CLDN6: variants seen among roughly 807,000 people sequenced by gnomAD.
CLDN6 encodes claudin-6.
For synonymous variants in CLDN6, 144 were observed against 131.2 expected, an observed-to-expected ratio of 1.10 and a Z score of -0.67; for missense variants, 279 against 284.1, an observed-to-expected ratio of 0.98 and a Z score of 0.13.
chr16:3,017,758 C>A (rs1209201952), intron 1 of CLDN6, among the ~76,000 whole-genome samples: 1 of 151,936 alleles, frequency 6.6e-6, no homozygotes, highest in Non-Finnish European at 1.5e-5. Flanking sequence ...AGACTCTGTC[C>A]GAGGGCGCCC....
chr16:3,016,700 T>C (rs2072569650), intron 1 of CLDN6, among the ~76,000 whole-genome samples: 1 of 146,236 alleles, frequency 6.8e-6, no homozygotes, highest in Admixed American at 7.1e-5. Flanking sequence ...CAGCCTGGAG[T>C]GCAGTGGCGG....
intron 1 of CLDN6, 35 bp from the exon 2 acceptor site, chr16:3,016,077 C>T: frequency 6.4e-7 from 1 of 1,561,884 alleles, no homozygotes. Context: ...AAGGTGAGGC[C>T]TGGCAGGCCC....
chr16:3,017,483 G>C (rs1052172107), intron 1 of CLDN6, among the ~76,000 whole-genome samples: 1 of 152,122 alleles, frequency 6.6e-6, no homozygotes, highest in African/African-American at 2.4e-5. Flanking sequence ...CCACTGCCCA[G>C]AGTACTTTCA....
rs760913541 is a variant in CLDN6 at position 3,015,609 on chromosome 16, C to T, written c.413G>A (p.Trp138Ter). ...SGVLTLIPVC[W>*]TAHAIIRDFY... ...GTCCCGGATGATGGCATGCGCCGTC[C>T]AGCACACGGGGATTAGCGTCAGGAC... Residue 138 changes from tryptophan to a stop codon, truncating the protein, a stop_gained, in exon 2 of 2, where the codon TGG (tryptophan) becomes TAG (stop). Coordinates refer to ENST00000328796, the MANE Select transcript of CLDN6 (RefSeq NM_021195.5). LOFTEE classifies it low-confidence loss of function (END_TRUNC). 11 of 1,613,148 alleles carry T rather than the reference C, an allele frequency of 6.8e-6. No individual in the cohort carries two copies. The highest frequency in any genetic ancestry group is 9.3e-6 in the Non-Finnish European group (11 of 1,180,056).
rs113281551 is a variant in CLDN6, at chr16:3,016,025, G to T, written c.-4C>A. The T allele has an allele frequency of 6.2e-7, 1 of 1,611,530 alleles. No homozygotes were observed. The highest frequency in any genetic ancestry group is 1.1e-5 in the South Asian group (1 of 90,758). The stretch of plus-strand genomic sequence containing the variant: ...TCTGCATTCCGGCAGAGGCCATGGC[G>T]AGGTTGAAGGAGCTGCACTGTGTTT... On this transcript the variant is annotated 5_prime_UTR_variant, in exon 2 of 2. Transcript: ENST00000328796.
chr16:3,017,912 C>T (rs2072578194), intron 1 of CLDN6, among the ~76,000 whole-genome samples: 1 of 148,996 alleles, frequency 6.7e-6, no homozygotes. Flanking sequence ...GGGGGAGGGG[C>T]GCCAGGGGTT....
rs866621177 is a variant in CLDN6 at position 3,015,460 on chromosome 16, C to G, written c.562G>C (p.Gly188Arg). The change falls in exon 2 of 2, where the codon GGG becomes CGG. Residue 188 changes from glycine (G) to arginine (R), a missense_variant. Gly to Arg is a moderately radical substitution (Grantham distance 125). Transcript: ENST00000328796. The part of the protein sequence containing the change: ...GGLLCCTCPS[G>R]GSQGPSHYMA... ...TAATGGCTGGGGCCCTGGGACCCCC[C>G]CGAGGGGCAAGTGCAGCACAGCAAC... The G allele has an allele frequency of 6.3e-7, 1 of 1,587,090 alleles. No homozygotes were observed.
chr16:3,015,683 G>T lies in CLDN6; in HGVS notation c.339C>A (p.Ser113=). The change falls in exon 2 of 2, where the codon TCC becomes TCA. Residue 113 remains serine, a synonymous_variant. Transcript: ENST00000328796. Reference sequence around the variant, plus strand: ...CAGAGGTGAGCACCAGGCGGGCCTTGGAATCCTTCTCCTCCACACAGGTGG... The same window carrying T: ...CAGAGGTGAGCACCAGGCGGGCCTTTGAATCCTTCTCCTCCACACAGGTGG... ...KCTTCVEEKD[S]KARLVLTSGI... 3 of 1,613,668 alleles carry T rather than the reference G, an allele frequency of 1.9e-6. No homozygotes were observed. Among genetic ancestry groups the T allele is most frequent in the Non-Finnish European group, 2.5e-6 (3 of 1,180,040 alleles).
At chr16:3,016,135 A>G in intron 1 of CLDN6, 93 bp from the exon 2 acceptor site, 2 of 1,201,552 alleles carry the variant, frequency 1.7e-6, no homozygotes, top group Non-Finnish European at 2.3e-6. Flanking sequence ...TGCACCCTGG[A>G]AAGTGGTCAT....
chr16:3,016,006 T>A lies in CLDN6; in HGVS notation c.16A>T (p.Met6Leu). 1 of 1,613,652 alleles carries A rather than the reference T, an allele frequency of 6.2e-7. No individual in the cohort carries two copies. Among genetic ancestry groups the A allele is most frequent in the South Asian group, 1.1e-5 (1 of 91,074 alleles). ...GTCAGGACGACTCCCAGGATCTGCA[T>A]TCCGGCAGAGGCCATGGCGAGGTTG... MASAG[M>L]QILGVVLTLL... Residue 6 changes from methionine (M) to leucine (L), a missense_variant, in exon 2 of 2, where the codon ATG becomes TTG. Met to Leu is a conservative substitution (Grantham distance 15). Transcript: ENST00000328796.
intron 1 of CLDN6, among the ~76,000 whole-genome samples, chr16:3,016,739 C>G (rs992905136): frequency 6.6e-6 from 1 of 151,880 alleles, no homozygotes; most frequent in African/African-American, 2.4e-5. Context: ...GTTCTGCCTC[C>G]CCGGTTCACG....
chr16:3,017,330 T>C (rs376997879), intron 1 of CLDN6, among the ~76,000 whole-genome samples: 1 of 152,312 alleles, frequency 6.6e-6, no homozygotes, highest in South Asian at 2.1e-4. Context: ...TGAGGGCCTT[T>C]TCCTATGAAT....
At chr16:3,016,941 C>T (rs1277778267) in intron 1 of CLDN6, among the ~76,000 whole-genome samples, 1 of 152,164 alleles carries the variant, frequency 6.6e-6, no homozygotes, top group Non-Finnish European at 1.5e-5. Flanking sequence ...AGCCACCACA[C>T]CTGGTCTTAA....
Position 3,016,012 on chromosome 16 carries a change from C to G in CLDN6, c.10G>C (p.Ala4Pro). ...ACGACTCCCAGGATCTGCATTCCGG[C>G]AGAGGCCATGGCGAGGTTGAAGGAG... MAS[A>P]GMQILGVVLT... Residue 4 changes from alanine to proline, a missense_variant, in exon 2 of 2, where the codon GCC becomes CCC. Physicochemically the swap from Ala to Pro is conservative, Grantham distance 27 (BLOSUM62 -1). Transcript: ENST00000328796. 6 of 1,613,352 alleles carry G rather than the reference C, an allele frequency of 3.7e-6. No individual in the cohort carries two copies.
Position 3,016,052 on chromosome 16 carries a change from G to C in CLDN6, c.-21-10C>G. Reference sequence around the variant, plus strand: ...GGTTGAAGGAGCTGCACTGTGTTTGGGACAGAAGCACAACAAGGTGAGGCC... The same window carrying C: ...GGTTGAAGGAGCTGCACTGTGTTTGCGACAGAAGCACAACAAGGTGAGGCC... On this transcript the variant is annotated splice_polypyrimidine_tract_variant and intron_variant, in intron 1 of 1. Transcript: ENST00000328796. 1 of 1,595,738 alleles carries C rather than the reference G, an allele frequency of 6.3e-7. No individual in the cohort carries two copies. Among genetic ancestry groups the C allele is most frequent in the Non-Finnish European group, 8.6e-7 (1 of 1,168,782 alleles).
intron 1 of CLDN6, among the ~76,000 whole-genome samples, chr16:3,016,814 A>ATTTTTTTT (rs545186433): frequency 1.3e-5 from 2 of 150,968 alleles, no homozygotes; most frequent in African/African-American, 4.9e-5. Context: ...CGCCCGGCTA[A>ATTTTTTTT]TTTTTTTGTA....
At position 3,015,272 on chromosome 16, in the gene CLDN6, C is replaced by G. The variant is rs1482628712; in HGVS notation, c.*87G>C. The G allele has an allele frequency of 1.7e-6, 2 of 1,190,218 alleles. No individual in the cohort carries two copies. Among genetic ancestry groups the G allele is most frequent in the Non-Finnish European group, 2.3e-6 (2 of 861,860 alleles). The allele number at this position is 1,190,218 out of a possible 1,614,324, so 73.7% of individuals were successfully genotyped here. ...AAAGAAAAATAGCAGGAGGCAGAAA[C>G]AAAAGGTACGAACCCATCCCAAAGC... On this transcript the variant is annotated 3_prime_UTR_variant, in exon 2 of 2. Transcript: ENST00000328796.
In CLDN6 at chr16:3,015,006, C is replaced by T. The variant is rs2072556078; in HGVS notation, c.*353G>A. On this transcript the variant is annotated 3_prime_UTR_variant, in exon 2 of 2. Transcript: ENST00000328796. ...CAGTGACATCTAGGGAAGCCCAGCC[C>T]CCAGCAGCAGCAGGAACTCTTGGGG... 1 of 413,056 alleles carries T rather than the reference C, an allele frequency of 2.4e-6. No homozygotes were observed. Among genetic ancestry groups the T allele is most frequent in the South Asian group, 1.0e-4 (1 of 9,548 alleles). 25.6% of individuals were successfully genotyped at this position (413,056 alleles called of 1,614,324 possible).
At chr16:3,017,002 CTCGAACTCCTGACCTCAGGTGA>C (rs111771905) in intron 1 of CLDN6, among the ~76,000 whole-genome samples, 2,521 of 152,108 alleles carry the variant, frequency 0.017, 40 homozygotes, top group African/African-American at 0.04. Flanking sequence ...CCAGGCGGGT[CTCGAACTCCTGACCTCAGGTGA>C]TCTGCCCGCC....
Sources: allele counts gnomAD v4.1 joint callset (sites outside exome capture counted in the v4.1 genomes callset), GRCh38; gene constraint gnomAD v4.1.1; transcripts MANE v1.5; gene names NCBI Gene and HGNC (gene_info 2026-07-23, HGNC 2026-07-21).